Variants in PCDH11X observed in about 807,000 individuals in gnomAD.
PCDH11X encodes protocadherin 11 X-linked.
Under a neutral mutation model 53.3 loss-of-function variants are expected in PCDH11X, and 18 were observed. The observed-to-expected ratio is 0.34, with a 90% confidence interval of 0.23 to 0.50. The LOEUF (loss-of-function observed/expected upper bound fraction) is 0.50. PCDH11X is among the 20% of genes least tolerant of loss of function. The pLI, the probability that PCDH11X is intolerant of heterozygous loss-of-function variation, is 0.98. For missense variants in PCDH11X, 570 were observed against 1,032.4 expected (o/e 0.55, Z 6.14); for synonymous variants, 279 against 393.3 (o/e 0.71, Z 3.44).
chrX:92,131,761 T>G (rs1444108181), intron 6 of PCDH11X, among the ~76,000 whole-genome samples: 1 of 110,678 alleles, frequency 9.0e-6, no homozygotes, highest in South Asian at 3.9e-4. Flanking sequence ...GTAATTACCC[T>G]TATCTTGTCT....
chrX:92,448,359 G>A (rs1980438003), intron 9 of PCDH11X, among the ~76,000 whole-genome samples: 1 of 93,101 alleles, frequency 1.1e-5, no homozygotes, highest in Admixed American at 1.2e-4. Context: ...CCAGTGGGAA[G>A]TGACTGAATT....
intron 6 of PCDH11X, among the ~76,000 whole-genome samples, chrX:91,990,345 A>ATT (rs61496530): frequency 0.25 from 22,347 of 89,475 alleles, 3,037 homozygotes; most frequent in African/African-American, 0.36. Context: ...GAAACTTTCT[A>ATT]TTTTTTTTTT....
At chrX:92,159,493 G>A (rs1296502501) in intron 6 of PCDH11X, among the ~76,000 whole-genome samples, 2 of 107,830 alleles carry the variant, frequency 1.9e-5, no homozygotes, top group Non-Finnish European at 3.8e-5. Flanking sequence ...CAAAACTCCT[G>A]AGAAAGGGTT....
rs376158848 is a variant in PCDH11X at position 92,392,791 on chromosome X, G to C, written c.3343+4858G>C. ...TTGTCTAAAAGCAAAATAAAGCCATGGAAATATTTTTCCCTGGAAAATATT... is the reference window on the plus strand; with the variant it reads ...TTGTCTAAAAGCAAAATAAAGCCATCGAAATATTTTTCCCTGGAAAATATT... On this transcript the variant is annotated intron_variant, in intron 9 of 10. Coordinates refer to ENST00000682573, the MANE Select transcript of PCDH11X (RefSeq NM_032968.5). Among the ~76,000 whole-genome samples, 3 of 108,108 alleles carry C rather than the reference G, an allele frequency of 2.8e-5. No homozygotes were observed. The East Asian group carries it at 8.6e-4, about 31-fold the overall frequency. The allele number at this position is 108,108 out of a possible 115,157, so 93.9% of individuals were successfully genotyped here.
At chrX:92,197,619 A>G (rs1299653192) in intron 6 of PCDH11X, among the ~76,000 whole-genome samples, 3 of 111,900 alleles carry the variant, frequency 2.7e-5, no homozygotes, top group Non-Finnish European at 1.9e-5. Flanking sequence ...GGCATATATC[A>G]TCATGCTAGA....
intron 5 of PCDH11X, among the ~76,000 whole-genome samples, chrX:91,860,764 T>C (rs1160126029): frequency 2.7e-5 from 3 of 111,857 alleles, no homozygotes; most frequent in African/African-American, 9.8e-5. Context: ...ATGAATTATG[T>C]TTATTTATTT....
intron 6 of PCDH11X, among the ~76,000 whole-genome samples, chrX:92,088,600 T>C (rs775868017): frequency 9.0e-6 from 1 of 111,566 alleles, no homozygotes; most frequent in South Asian, 3.7e-4. Flanking sequence ...TATCAGCAAG[T>C]TTTGATTGGA....
At chrX:92,467,111 A>C (rs1433438989) in intron 9 of PCDH11X, among the ~76,000 whole-genome samples, 2 of 111,180 alleles carry the variant, frequency 1.8e-5, no homozygotes, top group African/African-American at 6.5e-5. Flanking sequence ...AATCCTCCCC[A>C]AAGTGTTTTA....
Position 91,877,524 on chromosome X carries a change from C to T in PCDH11X, c.1284C>T (p.Ser428=), listed in dbSNP as rs188300904. 361 of 1,208,626 alleles carry T rather than the reference C, an allele frequency of 3.0e-4. 6 individuals are homozygous for T. The East Asian group carries it at 9.4e-3, about 32-fold the overall frequency. ...LETAAYLDYE[S]TKEYAIKLLA... ...CTGCAGCATATCTTGACTATGAGTC[C>T]ACAAAAGAATATGCCATTAAATTAC... is the stretch of plus-strand genomic sequence containing the variant. Residue 428 remains serine (S), a synonymous_variant, in exon 6 of 11, where the codon TCC becomes TCT. Transcript: ENST00000682573.
intron 5 of PCDH11X, among the ~76,000 whole-genome samples, chrX:91,854,681 G>C: frequency 8.9e-6 from 1 of 112,020 alleles, no homozygotes; most frequent in South Asian, 3.7e-4. Flanking sequence ...CCGTCTTTTA[G>C]ATAAAAGCCA....
At chrX:91,895,912 C>A (rs1452347930) in intron 6 of PCDH11X, among the ~76,000 whole-genome samples, 1 of 102,305 alleles carries the variant, frequency 9.8e-6, no homozygotes, top group African/African-American at 3.5e-5. Context: ...ATATTATATA[C>A]ATATACACGT....
chrX:92,265,247 C>T (rs1221748428), intron 8 of PCDH11X, among the ~76,000 whole-genome samples: 1 of 110,242 alleles, frequency 9.1e-6, no homozygotes, highest in Non-Finnish European at 1.9e-5. Flanking sequence ...TAAGCAGAAT[C>T]TTTAAAGAGG....
chrX:92,610,639 T>G (rs1927272716), intron 10 of PCDH11X, among the ~76,000 whole-genome samples: 1 of 111,501 alleles, frequency 9.0e-6, no homozygotes, highest in South Asian at 3.7e-4. Flanking sequence ...TTGCAATTGC[T>G]TTTAAGGATT....
intron 10 of PCDH11X, among the ~76,000 whole-genome samples, chrX:92,584,578 G>A (rs62600862): frequency 0.01 from 1,149 of 109,790 alleles, 7 homozygotes; most frequent in South Asian, 0.018. Context: ...ATACATAATC[G>A]AAATAGTTCT....
intron 6 of PCDH11X, among the ~76,000 whole-genome samples, chrX:92,038,170 G>A (rs567008856): frequency 5.4e-5 from 6 of 111,288 alleles, no homozygotes; most frequent in South Asian, 3.8e-4. Context: ...AAATTAAAGC[G>A]GGCTACAGAA....
chrX:92,608,837 AC>A (rs897747592), intron 10 of PCDH11X, among the ~76,000 whole-genome samples: 11 of 110,876 alleles, frequency 9.9e-5, no homozygotes, highest in Non-Finnish European at 2.1e-4. Flanking sequence ...TGTATCTATC[AC>A]CATTTTCATA....
chrX:92,564,766 A>G (rs1332953063), intron 10 of PCDH11X, among the ~76,000 whole-genome samples: 2 of 111,302 alleles, frequency 1.8e-5, no homozygotes, highest in Non-Finnish European at 3.8e-5. Context: ...AAATGGACCA[A>G]TGGGATTTGG....
At chrX:92,481,701 G>A (rs143570698) in intron 10 of PCDH11X, among the ~76,000 whole-genome samples, 1 of 111,719 alleles carries the variant, frequency 9.0e-6, no homozygotes, top group Non-Finnish European at 1.9e-5. Context: ...AGTCAAGCCT[G>A]GGGGGTGAGA....
chrX:92,187,097 T>G (rs1279023389), intron 6 of PCDH11X, among the ~76,000 whole-genome samples: 1 of 111,936 alleles, frequency 8.9e-6, no homozygotes, highest in Non-Finnish European at 1.9e-5. Flanking sequence ...ACCTAGTGGC[T>G]TAAAACAACA....
Sources: allele counts gnomAD v4.1 joint callset (sites outside exome capture counted in the v4.1 genomes callset), GRCh38; gene constraint gnomAD v4.1.1; transcripts MANE v1.5; gene names NCBI Gene and HGNC (gene_info 2026-07-23, HGNC 2026-07-21).